DPP10: variants seen among roughly 807,000 people sequenced by gnomAD.
DPP10 encodes inactive dipeptidyl peptidase 10.
Under a neutral mutation model 120.9 loss-of-function variants are expected in DPP10, and 33 were observed. The observed-to-expected ratio is 0.27, with a 90% CI of 0.21 to 0.37. The LOEUF (loss-of-function observed/expected upper bound fraction) is 0.37. Among genes scored for constraint, DPP10 ranks in the 10% least tolerant of loss-of-function variants. The pLI is 1.00. For missense variants in DPP10, 816 were observed against 942.8 expected (o/e 0.87, Z 1.76); for synonymous variants, 337 against 326.1 (o/e 1.03, Z -0.36).
intron 1 of DPP10, among the ~76,000 whole-genome samples, chr2:114,467,878 G>C (rs1411760814): frequency 6.6e-6 from 1 of 152,076 alleles, no homozygotes; most frequent in African/African-American, 2.4e-5. Context: ...CATTAGCCAG[G>C]CATGGTGGTG....
intron 1 of DPP10, among the ~76,000 whole-genome samples, chr2:114,561,157 C>T (rs1440702763): frequency 6.6e-6 from 1 of 152,132 alleles, no homozygotes; most frequent in African/African-American, 2.4e-5. Context: ...CTCCCTACTC[C>T]CTCCTAAGCC....
At chr2:115,323,464 C>T (rs898811473) in intron 2 of DPP10, among the ~76,000 whole-genome samples, 5 of 152,174 alleles carry the variant, frequency 3.3e-5, no homozygotes, top group Non-Finnish European at 7.4e-5. Context: ...TTCTTCCAAA[C>T]TCCTGTTAAT....
At chr2:115,203,853 T>C in intron 1 of DPP10, among the ~76,000 whole-genome samples, 1 of 152,198 alleles carries the variant, frequency 6.6e-6, no homozygotes, top group East Asian at 1.9e-4. Flanking sequence ...ATCAAAATTC[T>C]TTCCCTCCAT....
At chr2:114,686,150 G>C (rs996072981) in intron 1 of DPP10, among the ~76,000 whole-genome samples, 1 of 151,860 alleles carries the variant, frequency 6.6e-6, no homozygotes, top group Non-Finnish European at 1.5e-5. Flanking sequence ...AAGGAAAAGA[G>C]AATGCACTCT....
intron 1 of DPP10, among the ~76,000 whole-genome samples, chr2:115,157,009 T>A (rs1188851375): frequency 6.6e-6 from 1 of 152,014 alleles, no homozygotes; most frequent in Non-Finnish European, 1.5e-5. Context: ...TCTTAAAAAA[T>A]AAAGAGCAAA....
At chr2:115,612,519 T>C (rs1390218406) in intron 5 of DPP10, among the ~76,000 whole-genome samples, 1 of 152,206 alleles carries the variant, frequency 6.6e-6, no homozygotes, top group Non-Finnish European at 1.5e-5. Context: ...TCCACATGTA[T>C]AACAAAGTAG....
At position 114,798,579 on chromosome 2, in the gene DPP10, A is replaced by C. The variant is rs188340651; in HGVS notation, c.60+355741A>C. Among the ~76,000 whole-genome samples, 3 of 152,248 alleles carry C rather than the reference A, an allele frequency of 2.0e-5. No individual in the cohort carries two copies. The East Asian group carries it at 5.8e-4, about 30-fold the overall frequency. On this transcript the variant is annotated intron_variant, in intron 1 of 25. Coordinates refer to ENST00000410059, the MANE Select transcript of DPP10 (RefSeq NM_020868.6). ...CTGCACATCTTATGATTGCATCTGC[A>C]TGAAGGTCAATAATAAGCAGAGCTA... is the stretch of plus-strand genomic sequence containing the variant.
intron 1 of DPP10, among the ~76,000 whole-genome samples, chr2:114,969,761 C>T (rs1190488011): frequency 6.6e-6 from 1 of 152,076 alleles, no homozygotes; most frequent in Non-Finnish European, 1.5e-5. Context: ...AAACACTAGC[C>T]GACTTTTCCT....
intron 7 of DPP10, among the ~76,000 whole-genome samples, chr2:115,701,408 AC>A (rs1450188234): frequency 6.6e-6 from 1 of 152,066 alleles, no homozygotes; most frequent in Admixed American, 6.6e-5. Flanking sequence ...ATAAACTCTT[AC>A]CTAATATCAC....
At chr2:115,518,839 T>C (rs1192494118) in intron 4 of DPP10, among the ~76,000 whole-genome samples, 1 of 152,102 alleles carries the variant, frequency 6.6e-6, no homozygotes. Flanking sequence ...TAATGTCAAA[T>C]TTTTTAGGAC....
chr2:115,245,457 A>G (rs1037196836), intron 1 of DPP10, among the ~76,000 whole-genome samples: 1 of 152,122 alleles, frequency 6.6e-6, no homozygotes, highest in Non-Finnish European at 1.5e-5. Context: ...AAATGGCCAC[A>G]ATTAAAAAAA....
intron 1 of DPP10, chr2:115,233,880 C>T (rs1305480167): frequency 2.0e-5 from 10 of 504,790 alleles, no homozygotes; most frequent in Admixed American, 4.1e-5. Context: ...CCCATTTCTG[C>T]TCACCTGTCT....
At chr2:115,126,743 C>G (rs1386512543) in intron 1 of DPP10, among the ~76,000 whole-genome samples, 1 of 152,114 alleles carries the variant, frequency 6.6e-6, no homozygotes, top group Non-Finnish European at 1.5e-5. Flanking sequence ...TAACCTTTCC[C>G]TGATTACAGG....
chr2:114,517,777 T>G (rs1473572533), intron 1 of DPP10, among the ~76,000 whole-genome samples: 3 of 152,190 alleles, frequency 2.0e-5, no homozygotes, highest in Non-Finnish European at 4.4e-5. Context: ...ACGGGAAAGC[T>G]GGTACTATCC....
chr2:115,036,931 G>C (rs928742644), intron 1 of DPP10, among the ~76,000 whole-genome samples: 1 of 152,070 alleles, frequency 6.6e-6, no homozygotes, highest in Non-Finnish European at 1.5e-5. Context: ...ACTTTTTCAG[G>C]CCTCAGGATC....
intron 1 of DPP10, among the ~76,000 whole-genome samples, chr2:114,663,271 T>TATATATACATAC (rs375462897): frequency 1.4e-5 from 2 of 147,300 alleles, no homozygotes; most frequent in African/African-American, 2.5e-5. Context: ...TATATATATA[T>TATATATACATAC]ACACACACAT....
chr2:115,600,560 A>G (rs904490445), intron 5 of DPP10, among the ~76,000 whole-genome samples: 1 of 152,232 alleles, frequency 6.6e-6, no homozygotes, highest in African/African-American at 2.4e-5. Flanking sequence ...ATTTTTGCAC[A>G]TCTTTGGGAA....
intron 1 of DPP10, among the ~76,000 whole-genome samples, chr2:114,473,463 C>T (rs1174263350): frequency 6.6e-6 from 1 of 152,132 alleles, no homozygotes; most frequent in South Asian, 2.1e-4. Flanking sequence ...GCTTGTTTTT[C>T]CTACAATGTT....
At chr2:114,729,779 A>G (rs1385889221) in intron 1 of DPP10, among the ~76,000 whole-genome samples, 2 of 152,240 alleles carry the variant, frequency 1.3e-5, no homozygotes, top group Non-Finnish European at 2.9e-5. Flanking sequence ...CTCAAACAAT[A>G]TCTTGCTATG....
Sources: gnomAD v4.1 joint callset for allele counts (sites outside exome capture counted in the v4.1 genomes callset) on GRCh38, gnomAD v4.1.1 for gene constraint, MANE v1.5 for transcripts, NCBI Gene and HGNC (gene_info 2026-07-23, HGNC 2026-07-21) for gene names.